SASH1: variants seen among roughly 807,000 people sequenced by gnomAD.
SASH1 encodes SAM and SH3 domain containing 1, also known as SAM and SH3 domain-containing protein 1.
In SASH1, 44 loss-of-function variants were observed where a neutral mutation model predicts 125.2. The observed-to-expected ratio is 0.35, with a 90% confidence interval of 0.28 to 0.45. SASH1 has a LOEUF of 0.45. SASH1 is among the 20% of genes least tolerant of loss of function. The pLI, the probability that SASH1 is intolerant of heterozygous loss-of-function variation, is 1.00. For missense variants in SASH1, 1,426 were observed against 1,614.5 expected, an observed-to-expected ratio of 0.88 and a Z score of 2.00; for synonymous variants, 639 against 649.1, an observed-to-expected ratio of 0.98 and a Z score of 0.24.
upstream of SASH1, among the ~76,000 whole-genome samples, chr6:148,269,167 GTATAC>G (rs1242258420): frequency 6.6e-6 from 1 of 152,198 alleles, no homozygotes; most frequent in East Asian, 1.9e-4. Flanking sequence ...TTAATAAGAG[GTATAC>G]TATAAATGCT....
chr6:148,471,618 TA>T, intron 6 of SASH1, 115 bp downstream of exon 6: 1 of 666,070 alleles, frequency 1.5e-6, no homozygotes, highest in South Asian at 1.9e-5. Flanking sequence ...CATGTGCCCA[TA>T]AGATGTTCAA....
At chr6:148,524,931 A>G (rs1038854233) in intron 10 of SASH1, 1 of 228,050 alleles carries the variant, frequency 4.4e-6, no homozygotes, top group African/African-American at 2.3e-5. Context: ...TACTGAATGT[A>G]GCTGATGTTA....
chr6:148,212,998 T>C, the SASH1 span, among the ~76,000 whole-genome samples: 1 of 152,150 alleles, frequency 6.6e-6, no homozygotes, highest in African/African-American at 2.4e-5. Flanking sequence ...AAGAACAAGA[T>C]AGCTTGTGAT....
At chr6:148,296,127 T>G (rs1017956474) in intron 1 of SASH1, among the ~76,000 whole-genome samples, 5 of 151,388 alleles carry the variant, frequency 3.3e-5, no homozygotes, top group Admixed American at 2.0e-4. Flanking sequence ...TGTTTTTGTT[T>G]TTGTTGTTGT....
intron 1 of SASH1, among the ~76,000 whole-genome samples, chr6:148,335,321 C>T (rs1455896126): frequency 2.0e-5 from 3 of 150,130 alleles, no homozygotes; most frequent in East Asian, 2.0e-4. Flanking sequence ...AAAAATTAGC[C>T]GGGCATGGTA....
At chr6:148,301,745 ATTTTT>A (rs34707015) in intron 1 of SASH1, among the ~76,000 whole-genome samples, 28 of 102,856 alleles carry the variant, frequency 2.7e-4, no homozygotes, top group African/African-American at 7.9e-4. Flanking sequence ...CATCTTGGTG[ATTTTT>A]TTTTTTTTTT....
intron 2 of SASH1, among the ~76,000 whole-genome samples, chr6:148,401,427 G>A (rs572236958): frequency 6.6e-6 from 1 of 151,966 alleles, no homozygotes; most frequent in Non-Finnish European, 1.5e-5. Flanking sequence ...TCTCAAAAAA[G>A]AAAATTAAGT....
chr6:148,347,361 T>C (rs1781553673), intron 1 of SASH1, among the ~76,000 whole-genome samples: 1 of 152,172 alleles, frequency 6.6e-6, no homozygotes, highest in Non-Finnish European at 1.5e-5. Context: ...TTAAAAAATA[T>C]CCATTGTATA....
chr6:148,383,133 AG>A (rs2114792581), intron 1 of SASH1, among the ~76,000 whole-genome samples: 1 of 152,358 alleles, frequency 6.6e-6, no homozygotes, highest in South Asian at 2.1e-4. Context: ...GGATTCAATG[AG>A]GCCGAACAAG....
chr6:148,210,239 A>C, the SASH1 span, among the ~76,000 whole-genome samples: 1 of 152,326 alleles, frequency 6.6e-6, no homozygotes, highest in South Asian at 2.1e-4. Context: ...AAAATGCTGC[A>C]AAAACAGACC....
chr6:148,252,273 A>G, the SASH1 span, among the ~76,000 whole-genome samples: 1 of 152,188 alleles, frequency 6.6e-6, no homozygotes, highest in Admixed American at 6.5e-5. Flanking sequence ...GAGTATATGT[A>G]CAGTAATGCA....
At chr6:148,486,065 T>G (rs1038848088) in intron 7 of SASH1, among the ~76,000 whole-genome samples, 1 of 152,222 alleles carries the variant, frequency 6.6e-6, no homozygotes, top group Non-Finnish European at 1.5e-5. Context: ...GGAAGTATAG[T>G]AAAAGACATT....
chr6:148,373,752 C>T (rs1782785044), intron 1 of SASH1, among the ~76,000 whole-genome samples: 1 of 152,146 alleles, frequency 6.6e-6, no homozygotes, highest in Admixed American at 6.6e-5. Flanking sequence ...GGGGGGATCA[C>T]TTGAGGTCAG....
intron 1 of SASH1, among the ~76,000 whole-genome samples, chr6:148,329,963 A>T (rs548944657): frequency 2.0e-5 from 3 of 152,262 alleles, no homozygotes; most frequent in Admixed American, 2.0e-4. Flanking sequence ...TGGCATTTCC[A>T]TGAAAGACAG....
At chr6:148,461,515 C>G (rs1777609980) in intron 4 of SASH1, among the ~76,000 whole-genome samples, 1 of 152,134 alleles carries the variant, frequency 6.6e-6, no homozygotes, top group African/African-American at 2.4e-5. Context: ...AATCATGGGG[C>G]CAAGCAAGAG....
chr6:148,262,101 T>TAA, the SASH1 span, among the ~76,000 whole-genome samples: 1 of 149,752 alleles, frequency 6.7e-6, no homozygotes, highest in East Asian at 2.0e-4. Context: ...ACTGCACACA[T>TAA]ACACACACAC....
At chr6:148,376,281 C>G (rs1266952599) in intron 1 of SASH1, among the ~76,000 whole-genome samples, 3 of 152,054 alleles carry the variant, frequency 2.0e-5, no homozygotes, top group Admixed American at 6.6e-5. Context: ...GTTGGCCAGG[C>G]TGGTCTTGAA....
rs147664687 is a variant in SASH1, at chr6:148,387,079, GTCTC to G, written c.157-3038_157-3035del. 6.3e-4 allele frequency among the ~76,000 whole-genome samples: 78 copies of G among 123,418 alleles called. 1 individual carries two copies. Among genetic ancestry groups the G allele is most frequent in the East Asian group, 3.4e-3 (16 of 4,660 alleles). 81.0% of individuals were successfully genotyped at this position (123,418 alleles called of 152,430 possible). A position where few individuals can be genotyped will look rare whatever the true frequency, so the allele number is the denominator to read the frequency against. On this transcript the variant is annotated intron_variant, in intron 1 of 19. Coordinates refer to ENST00000367467, the MANE Select transcript of SASH1 (RefSeq NM_015278.5). Reference sequence around the variant, plus strand: ...TCTTTCTTTCTTGCTTTCTCCCTCTGTCTCTCTCTCTCTCTCTCTCCTTCCTTTC... The same window carrying G: ...TCTTTCTTTCTTGCTTTCTCCCTCTGTCTCTCTCTCTCTCTCCTTCCTTTC...
rs1157132927 is a variant in SASH1 at position 148,343,253 on chromosome 6, GAAGTACAGTTCGCAGC to G, written c.156+32_156+47del. 3 of 1,566,524 alleles carry G rather than the reference GAAGTACAGTTCGCAGC, an allele frequency of 1.9e-6. No individual in the cohort carries two copies. The African/African-American group carries it at 4.1e-5, about 21-fold the overall frequency. ...GTTACCTGGGGAGGGGGCGGCGCAG[GAAGTACAGTTCGCAGC>G]AGCCCCTCTGAAACCGGGGGCTCCC... is the stretch of plus-strand genomic sequence containing the variant. On this transcript the variant is annotated intron_variant, in intron 1 of 19. Coordinates refer to ENST00000367467, the MANE Select transcript of SASH1 (RefSeq NM_015278.5).
Sources: allele counts gnomAD v4.1 joint callset (sites outside exome capture counted in the v4.1 genomes callset), GRCh38; gene constraint gnomAD v4.1.1; transcripts MANE v1.5; gene names NCBI Gene and HGNC (gene_info 2026-07-23, HGNC 2026-07-21).